GPC6: variants seen among roughly 807,000 people sequenced by gnomAD.
GPC6 encodes the protein glypican-6.
A neutral mutation model predicts 55.2 loss-of-function variants in GPC6; 14 were observed. The ratio of observed to expected loss-of-function variants is 0.25; its 90% CI spans 0.17 to 0.40. The LOEUF (loss-of-function observed/expected upper bound fraction) is 0.40, where lower values mean the gene tolerates loss of function less well. Ranked by LOEUF, GPC6 falls within the 10% of genes least tolerant of loss-of-function variation. The probability of loss-of-function intolerance (pLI) is 1.00; values close to 1 mark genes in which losing one functional copy is unlikely to be tolerated. For synonymous variants in GPC6, 278 were observed against 259.6 expected (o/e 1.07, Z -0.68); for missense variants, 641 against 708.5 (o/e 0.90, Z 1.08).
chr13:94,268,688 T>C (rs758473408), intron 4 of GPC6, among the ~76,000 whole-genome samples: 1 of 152,176 alleles, frequency 6.6e-6, no homozygotes, highest in Non-Finnish European at 1.5e-5. Flanking sequence ...CATCTTTTCG[T>C]CTGAAAATCT....
chr13:93,386,171 A>G (rs554749551), intron 1 of GPC6, among the ~76,000 whole-genome samples: 76 of 150,690 alleles, frequency 5.0e-4, no homozygotes, highest in African/African-American at 1.8e-3. Flanking sequence ...ATTACTCTGT[A>G]ATTTTGAGGG....
rs554512387 is a variant in GPC6, at chr13:93,897,624, T to C, written c.711+67079T>C. 2.0e-5 allele frequency among the ~76,000 whole-genome samples: 3 copies of C among 152,282 alleles called. No individual in the cohort carries two copies. In the South Asian group the frequency reaches 6.2e-4, roughly 32 times the overall value. On this transcript the variant is annotated intron_variant, in intron 3 of 8. Coordinates refer to ENST00000377047, the MANE Select transcript of GPC6 (RefSeq NM_005708.5). ...TTCACTTAAATATTGAAAGCATACA[T>C]CCATGTGCCCCAGATATATGACATA...
At chr13:93,484,178 C>T (rs1222078770) in intron 1 of GPC6, among the ~76,000 whole-genome samples, 1 of 152,128 alleles carries the variant, frequency 6.6e-6, no homozygotes, top group Non-Finnish European at 1.5e-5. Context: ...GGGTTATTCT[C>T]TCACTACTTG....
At chr13:94,239,265 T>A (rs1202763351) in intron 4 of GPC6, among the ~76,000 whole-genome samples, 1 of 152,116 alleles carries the variant, frequency 6.6e-6, no homozygotes, top group Non-Finnish European at 1.5e-5. Flanking sequence ...AGCAGCATTG[T>A]GAAAAAAACA....
At chr13:94,243,260 C>T (rs1394640742) in intron 4 of GPC6, among the ~76,000 whole-genome samples, 1 of 152,062 alleles carries the variant, frequency 6.6e-6, no homozygotes, top group Non-Finnish European at 1.5e-5. Flanking sequence ...TCAGTTTCAA[C>T]AGGCCTTACA....
intron 2 of GPC6, among the ~76,000 whole-genome samples, chr13:93,806,846 C>T (rs1383199608): frequency 6.6e-6 from 1 of 152,054 alleles, no homozygotes; most frequent in Admixed American, 6.6e-5. Flanking sequence ...TAGATGAATA[C>T]AATTATGATG....
At chr13:93,470,285 A>G (rs1266353177) in intron 1 of GPC6, among the ~76,000 whole-genome samples, 15 of 151,930 alleles carry the variant, frequency 9.9e-5, no homozygotes, top group African/African-American at 3.6e-4. Flanking sequence ...GTTAGGAAAA[A>G]TTATTTTTAT....
At chr13:93,798,895 G>T (rs1224429200) in intron 2 of GPC6, among the ~76,000 whole-genome samples, 1 of 134,168 alleles carries the variant, frequency 7.5e-6, no homozygotes, top group African/African-American at 3.0e-5. Flanking sequence ...CTCCAGCCTG[G>T]GTGACAGAGC....
intron 1 of GPC6, among the ~76,000 whole-genome samples, chr13:93,523,088 G>A (rs1881487494): frequency 6.7e-6 from 1 of 149,740 alleles, no homozygotes; most frequent in Admixed American, 6.7e-5. Context: ...TGTGTAACAT[G>A]GTGTATGACA....
chr13:93,263,827 G>T (rs1877234220), intron 1 of GPC6, among the ~76,000 whole-genome samples: 1 of 152,210 alleles, frequency 6.6e-6, no homozygotes, highest in Admixed American at 6.5e-5. Flanking sequence ...ATCTCTAAAA[G>T]AAATTCCTGG....
chr13:93,545,864 A>C (rs1327587066), intron 2 of GPC6, among the ~76,000 whole-genome samples: 1 of 152,164 alleles, frequency 6.6e-6, no homozygotes, highest in Non-Finnish European at 1.5e-5. Flanking sequence ...TTTATTTTAG[A>C]CTTTGCCATT....
At position 94,291,734 on chromosome 13, in the gene GPC6, C is replaced by CT. The variant is rs1340333775; in HGVS notation, c.1008+5257dup. ...TTTTTCAAAGAAACCCTGGGACACTCTTGATAAACAGTCTCATCACATTTG... is the reference window on the plus strand; with the variant it reads ...TTTTTCAAAGAAACCCTGGGACACTCTTTGATAAACAGTCTCATCACATTTG... On this transcript the variant is annotated intron_variant, in intron 5 of 8. Coordinates refer to ENST00000377047, the MANE Select transcript of GPC6 (RefSeq NM_005708.5). Among the ~76,000 whole-genome samples, 8 of 147,510 alleles carry CT rather than the reference C, an allele frequency of 5.4e-5. No individual in the cohort carries two copies. The Admixed American group carries it at 5.4e-4, about 10-fold the overall frequency.
intron 3 of GPC6, among the ~76,000 whole-genome samples, chr13:93,843,321 C>G (rs980253226): frequency 6.6e-6 from 1 of 152,088 alleles, no homozygotes; most frequent in Admixed American, 6.6e-5. Flanking sequence ...AGCTCCGTAG[C>G]TCTCTTATCA....
chr13:93,726,450 AC>A (rs963434087), intron 2 of GPC6, among the ~76,000 whole-genome samples: 1 of 152,048 alleles, frequency 6.6e-6, no homozygotes, highest in Non-Finnish European at 1.5e-5. Context: ...GAATGTGTTG[AC>A]CTTGTCCACA....
At chr13:93,812,859 T>C (rs892107140) in intron 2 of GPC6, among the ~76,000 whole-genome samples, 19 of 152,188 alleles carry the variant, frequency 1.2e-4, no homozygotes, top group African/African-American at 4.6e-4. Context: ...ATTATTTGCA[T>C]TTTAGAGATG....
intron 6 of GPC6, among the ~76,000 whole-genome samples, chr13:94,367,644 G>A (rs1254887389): frequency 1.3e-5 from 2 of 151,558 alleles, no homozygotes; most frequent in Non-Finnish European, 3.0e-5. Context: ...TTAATATGGT[G>A]TGATCAGCTA....
intron 6 of GPC6, among the ~76,000 whole-genome samples, chr13:94,372,945 C>G (rs1264358356): frequency 2.6e-5 from 4 of 152,304 alleles, no homozygotes; most frequent in African/African-American, 9.6e-5. Context: ...CACCCCCCAG[C>G]AGGAGCACAC....
At position 93,776,973 on chromosome 13, in the gene GPC6, C is replaced by G. The variant is rs1000945670; in HGVS notation, c.320-53181C>G. On this transcript the variant is annotated intron_variant, in intron 2 of 8. Coordinates refer to ENST00000377047, the MANE Select transcript of GPC6 (RefSeq NM_005708.5). ...AAGCACCCTTGCCCATCGACCAACC[C>G]CTGTCAGATTTCCTTATCCATAGAG... Among the ~76,000 whole-genome samples, 4 of 152,142 alleles carry G rather than the reference C, an allele frequency of 2.6e-5. 1 individual carries two copies. Among genetic ancestry groups the G allele is most frequent in the African/African-American group, 9.7e-5 (4 of 41,430 alleles).
At chr13:93,486,034 A>G (rs1879700894) in intron 1 of GPC6, among the ~76,000 whole-genome samples, 1 of 152,232 alleles carries the variant, frequency 6.6e-6, no homozygotes, top group African/African-American at 2.4e-5. Context: ...ATAGGCATAA[A>G]AGGCGGAGAA....
Sources: gnomAD v4.1 joint callset for allele counts (sites outside exome capture counted in the v4.1 genomes callset) on GRCh38, gnomAD v4.1.1 for gene constraint, MANE v1.5 for transcripts, NCBI Gene and HGNC (gene_info 2026-07-23, HGNC 2026-07-21) for gene names.